The following NARF variants were observed in gnomAD, a reference collection of about 807,000 sequenced individuals.
NARF encodes nuclear prelamin A recognition factor.
NARF carries 41 observed loss-of-function variants against 48.0 expected under a neutral mutation model. That is an observed-to-expected ratio of 0.85 (90% CI 0.66 to 1.11). NARF has a LOEUF of 1.11. NARF is among the 50% of genes least tolerant of loss of function. The probability of loss-of-function intolerance (pLI) is 0.00; values close to 1 mark genes in which losing one functional copy is unlikely to be tolerated. For synonymous variants in NARF, 215 were observed against 225.5 expected (o/e 0.95, Z 0.42); for missense variants, 613 against 590.2 (o/e 1.04, Z -0.40).
intron 7 of NARF, 24 bp downstream of exon 7, chr17:82,481,235 C>G: frequency 6.2e-7 from 1 of 1,612,360 alleles, no homozygotes; most frequent in Non-Finnish European, 8.5e-7. Flanking sequence ...GGGGGTGCAC[C>G]TGGGCGCTGG....
chr17:82,458,490 AC>A (rs540120247), upstream of NARF: 122 of 344,058 alleles, frequency 3.5e-4, no homozygotes, highest in African/African-American at 2.5e-3. Flanking sequence ...CGGCGCAAGG[AC>A]CCGGTCCCCC....
chr17:82,464,575 A>G, intron 3 of NARF, 145 bp downstream of exon 3: 1 of 1,008,870 alleles, frequency 9.9e-7, no homozygotes, highest in Non-Finnish European at 1.4e-6. Context: ...TCCTGCTTTG[A>G]CCTTCCAAAC....
Position 82,488,515 on chromosome 17 carries a change from A to G in NARF, c.*358A>G, listed in dbSNP as rs969513418. ...CCCAGCCTCCCGAGTAGCTGGGACT[A>G]ACGCGCACACCACCATGCCCAGCTA... On this transcript the variant is annotated 3_prime_UTR_variant, in exon 11 of 11. Coordinates refer to ENST00000309794, the MANE Select transcript of NARF (RefSeq NM_012336.4). The G allele has an allele frequency of 4.6e-6, 1 of 218,908 alleles. No homozygotes were observed. Among genetic ancestry groups the G allele is most frequent in the African/African-American group, 2.3e-5 (1 of 43,490 alleles). 13.6% of individuals were successfully genotyped at this position (218,908 alleles called of 1,614,324 possible).
chr17:82,465,667 T>C (rs1181668656), intron 3 of NARF, among the ~76,000 whole-genome samples: 2 of 152,096 alleles, frequency 1.3e-5, no homozygotes, highest in Admixed American at 1.3e-4. Flanking sequence ...TCCTCCCACC[T>C]CTGGAGGCTC....
intron 3 of NARF, among the ~76,000 whole-genome samples, chr17:82,467,536 G>T (rs2043598694): frequency 6.6e-6 from 1 of 151,626 alleles, no homozygotes; most frequent in Non-Finnish European, 1.5e-5. Context: ...CGCCCAGGCT[G>T]GAGTGCAGTG....
chr17:82,475,444 C>CA (rs1266567022), intron 5 of NARF, among the ~76,000 whole-genome samples: 2 of 152,124 alleles, frequency 1.3e-5, no homozygotes, highest in Non-Finnish European at 2.9e-5. Context: ...ACTAAAAATA[C>CA]AAAAAATTAG....
intron 6 of NARF, 44 bp downstream of exon 6, chr17:82,478,962 G>T (rs763883180): frequency 6.3e-7 from 1 of 1,576,258 alleles, no homozygotes; most frequent in South Asian, 1.1e-5. Flanking sequence ...GGTGAGGGAG[G>T]ACCATGGCAC....
At chr17:82,481,818 G>A (rs2043971612) in intron 7 of NARF, 1 of 406,914 alleles carries the variant, frequency 2.5e-6, no homozygotes, top group African/African-American at 2.2e-5. Flanking sequence ...TCCATGTAAG[G>A]TACTTATCTC....
chr17:82,471,665 G>T (rs534228996), intron 4 of NARF, among the ~76,000 whole-genome samples: 1 of 147,576 alleles, frequency 6.8e-6, no homozygotes, highest in Non-Finnish European at 1.5e-5. Context: ...GGTGGTGGGC[G>T]CCTGTAGTCC....
At chr17:82,468,370 G>A (rs959942191) in intron 3 of NARF, 3 of 152,100 alleles carry the variant, frequency 2.0e-5, no homozygotes, top group Non-Finnish European at 4.3e-5. Context: ...TTTTGAGACA[G>A]AGTATTACTC....
chr17:82,479,496 C>T (rs1245943084), intron 6 of NARF, among the ~76,000 whole-genome samples: 3 of 152,188 alleles, frequency 2.0e-5, no homozygotes, highest in African/African-American at 7.2e-5. Flanking sequence ...GTTCTCCCTT[C>T]CCACAACCCT....
chr17:82,487,209 C>T (rs893553796), intron 10 of NARF, among the ~76,000 whole-genome samples: 1 of 149,036 alleles, frequency 6.7e-6, no homozygotes, highest in Non-Finnish European at 1.5e-5. Flanking sequence ...CGGGTCCAGG[C>T]ACGGTGGCTC....
Position 82,484,798 on chromosome 17 carries a change from T to C in NARF, c.834-15T>C. 6.3e-7 allele frequency: 1 copy of C among 1,574,830 alleles called. No homozygotes were observed. Among genetic ancestry groups the C allele is most frequent in the South Asian group, 1.2e-5 (1 of 86,158 alleles). On this transcript the variant is annotated splice_polypyrimidine_tract_variant and intron_variant, in intron 8 of 10. Transcript: ENST00000309794. Reference sequence around the variant, plus strand: ...CAGCATTCATGAAGGACTTGTATTTTCTCTGCCTTGTGAGGTTTGGAGACT... The same window carrying C: ...CAGCATTCATGAAGGACTTGTATTTCCTCTGCCTTGTGAGGTTTGGAGACT...
intron 3 of NARF, among the ~76,000 whole-genome samples, chr17:82,465,617 G>C (rs1326739925): frequency 1.3e-5 from 2 of 152,174 alleles, no homozygotes; most frequent in African/African-American, 4.8e-5. Flanking sequence ...ACCCAGGCTG[G>C]AGTGCAGTGG....
At chr17:82,466,291 C>T (rs1190522423) in intron 3 of NARF, among the ~76,000 whole-genome samples, 1 of 152,124 alleles carries the variant, frequency 6.6e-6, no homozygotes, top group Non-Finnish European at 1.5e-5. Context: ...TTTTTTCCCC[C>T]CTGATACATA....
intron 2 of NARF, chr17:82,463,199 T>C (rs907550717): frequency 6.6e-6 from 1 of 152,196 alleles, no homozygotes; most frequent in Admixed American, 6.5e-5. Context: ...ATGCATGGAC[T>C]ACCTGAGGAG....
intron 4 of NARF, 69 bp downstream of exon 4, chr17:82,468,965 G>C (rs1011572697): frequency 2.5e-6 from 4 of 1,581,100 alleles, no homozygotes; most frequent in Admixed American, 3.7e-5. Flanking sequence ...AATCTCTAAA[G>C]TTCGTTTTTC....
At chr17:82,463,973 TGGGGTGAG>T (rs2043499411) in intron 2 of NARF, 1 of 267,578 alleles carries the variant, frequency 3.7e-6, no homozygotes, top group Admixed American at 5.0e-5. Context: ...GGTCTAGCAG[TGGGGTGAG>T]CTTCCAGAAC....
intron 5 of NARF, 82 bp downstream of exon 5, chr17:82,472,780 G>A: frequency 1.3e-6 from 2 of 1,507,082 alleles, no homozygotes; most frequent in Non-Finnish European, 1.8e-6. Context: ...GATGAGGTTG[G>A]AGGCAGACAG....
Sources: allele counts gnomAD v4.1 joint callset (sites outside exome capture counted in the v4.1 genomes callset), GRCh38; gene constraint gnomAD v4.1.1; transcripts MANE v1.5; gene names NCBI Gene and HGNC (gene_info 2026-07-23, HGNC 2026-07-21).